ZNF423: variants seen among roughly 807,000 people sequenced by gnomAD.
ZNF423 encodes the protein zinc finger protein 423.
A neutral mutation model predicts 95.8 loss-of-function variants in ZNF423; 12 were observed. That is an observed-to-expected ratio of 0.13 (90% CI 0.08 to 0.20). The LOEUF (loss-of-function observed/expected upper bound fraction) is 0.20, where lower values mean the gene tolerates loss of function less well. Among genes scored for constraint, ZNF423 ranks in the 10% least tolerant of loss-of-function variants. ZNF423 has a pLI of 1.00. For synonymous variants in ZNF423, 749 were observed against 711.9 expected, an observed-to-expected ratio of 1.05 and a Z score of -0.83; for missense variants, 1,316 against 1,737.1, an observed-to-expected ratio of 0.76 and a Z score of 4.31.
chr16:49,806,633 T>C (rs928046811), intron 1 of ZNF423, among the ~76,000 whole-genome samples: 4 of 152,174 alleles, frequency 2.6e-5, no homozygotes, highest in Non-Finnish European at 4.4e-5. Flanking sequence ...ATGACGTGTG[T>C]GTGTGTGCTT....
chr16:49,528,645 A>T (rs965195704), intron 5 of ZNF423, among the ~76,000 whole-genome samples: 1 of 152,048 alleles, frequency 6.6e-6, no homozygotes, highest in East Asian at 1.9e-4. Context: ...TCAAGGCAAG[A>T]CCTTTTGATT....
chr16:49,709,459 G>A (rs1380180737), intron 3 of ZNF423, among the ~76,000 whole-genome samples: 6 of 152,062 alleles, frequency 3.9e-5, no homozygotes, highest in East Asian at 1.9e-4. Flanking sequence ...CGCCAGGTAC[G>A]ATGCCAGCCA....
At chr16:49,806,529 G>A (rs889106165) in intron 1 of ZNF423, among the ~76,000 whole-genome samples, 1 of 152,174 alleles carries the variant, frequency 6.6e-6, no homozygotes, top group African/African-American at 2.4e-5. Flanking sequence ...CTAACATACT[G>A]TAAATAAATG....
At chr16:49,845,555 T>C (rs971044142) in intron 1 of ZNF423, among the ~76,000 whole-genome samples, 6 of 151,932 alleles carry the variant, frequency 3.9e-5, no homozygotes, top group African/African-American at 1.2e-4. Flanking sequence ...GTTTGTTTTG[T>C]TTTGAGAAAG....
At chr16:49,517,966 C>T (rs956739492) in intron 7 of ZNF423, 4 of 453,392 alleles carry the variant, frequency 8.8e-6, no homozygotes, top group African/African-American at 2.0e-5. Flanking sequence ...AGCAGCACGT[C>T]GTTTTGGAAA....
In ZNF423 at chr16:49,687,424, G is replaced by A. The variant is rs1450994919; in HGVS notation, c.301+43347C>T. ...CAGGCAACCGCCTCTCCCCACACAC[G>A]GGTGCAAACCAAGCCCAGCCTCTGC... is the stretch of plus-strand genomic sequence containing the variant. On this transcript the variant is annotated intron_variant, in intron 3 of 7. Coordinates refer to ENST00000563137, the MANE Select transcript of ZNF423 (RefSeq NM_001379286.1). 4.6e-5 allele frequency among the ~76,000 whole-genome samples: 7 copies of A among 152,104 alleles called. No homozygotes were observed. The East Asian group carries it at 5.8e-4, about 13-fold the overall frequency.
intron 2 of ZNF423, among the ~76,000 whole-genome samples, chr16:49,779,076 A>G (rs973094172): frequency 1.3e-5 from 2 of 152,076 alleles, no homozygotes; most frequent in African/African-American, 4.8e-5. Flanking sequence ...TGCACTTCCC[A>G]GGACAAATAC....
At chr16:49,612,920 T>A (rs887375668) in intron 5 of ZNF423, among the ~76,000 whole-genome samples, 3 of 152,108 alleles carry the variant, frequency 2.0e-5, no homozygotes, top group Admixed American at 1.3e-4. Context: ...CAATACCATT[T>A]ATAATTGCTC....
At chr16:49,807,027 CAA>C (rs767699028) in intron 1 of ZNF423, among the ~76,000 whole-genome samples, 26 of 105,564 alleles carry the variant, frequency 2.5e-4, no homozygotes, top group East Asian at 2.8e-4. Context: ...ACTCTGACTC[CAA>C]AAAAAAAAAA....
intron 7 of ZNF423, among the ~76,000 whole-genome samples, chr16:49,493,025 G>A (rs79886832): frequency 0.026 from 3,891 of 152,230 alleles, 65 homozygotes; most frequent in Non-Finnish European, 0.037. Context: ...CACCTCGGTC[G>A]GGGGCGTCAG....
chr16:49,756,077 G>A (rs2033721625), intron 2 of ZNF423, among the ~76,000 whole-genome samples: 1 of 152,226 alleles, frequency 6.6e-6, no homozygotes, highest in Non-Finnish European at 1.5e-5. Flanking sequence ...GGGAGCCACT[G>A]GAGGTTTGTG....
chr16:49,858,330 G>A (rs8049871), upstream of ZNF423, among the ~76,000 whole-genome samples: 3,780 of 151,534 alleles, frequency 0.025, 143 homozygotes, highest in African/African-American at 0.087. This position sits in a 1 kb window ranked among gnomAD's most constrained non-coding sequence, Gnocchi z 4.3. Context: ...CTCTCTCCGC[G>A]GTCCCGCCGG....
At position 49,661,710 on chromosome 16, in the gene ZNF423, A is replaced by G. The variant is rs147703325; in HGVS notation, c.302-22836T>C. 2.7e-3 allele frequency among the ~76,000 whole-genome samples: 410 copies of G among 152,292 alleles called. 2 individuals carry two copies. The highest frequency in any genetic ancestry group is 9.5e-3 in the African/African-American group (396 of 41,576). On this transcript the variant is annotated intron_variant, in intron 3 of 7. Transcript: ENST00000563137. ...CTCTTCTGTGCCAGGCTCTGCTGCA[A>G]TTCCTGGGGCAGTGAGCACACCCAG...
intron 3 of ZNF423, among the ~76,000 whole-genome samples, chr16:49,674,870 C>A (rs2030979657): frequency 6.6e-6 from 1 of 152,152 alleles, no homozygotes; most frequent in African/African-American, 2.4e-5. Flanking sequence ...TGAGTCCCAG[C>A]CCTTCCCCTC....
intron 1 of ZNF423, among the ~76,000 whole-genome samples, chr16:49,804,597 T>C (rs1323307294): frequency 6.6e-6 from 1 of 152,114 alleles, no homozygotes; most frequent in Non-Finnish European, 1.5e-5. Flanking sequence ...CCTCCTCTCC[T>C]GGTCAGAAAC....
At chr16:49,780,717 G>A (rs2034198205) in intron 2 of ZNF423, 1 of 152,214 alleles carries the variant, frequency 6.6e-6, no homozygotes, top group African/African-American at 2.4e-5. Context: ...GTGAGCTCAG[G>A]GCCACCGCGT....
At position 49,613,903 on chromosome 16, in the gene ZNF423, G is replaced by T. The variant is rs555804177; in HGVS notation, c.3601+12267C>A. 5.3e-5 allele frequency among the ~76,000 whole-genome samples: 8 copies of T among 151,860 alleles called. No individual in the cohort carries two copies. The South Asian group carries it at 1.7e-3, about 32-fold the overall frequency. On this transcript the variant is annotated intron_variant, in intron 5 of 7. Transcript: ENST00000563137. ...AAAACTTTCAGGAAAAAAAAAATAG[G>T]AGAAAATCTTTGCACCAAAGGTATA...
At chr16:49,722,541 G>A (rs192341606) in intron 3 of ZNF423, among the ~76,000 whole-genome samples, 5 of 152,340 alleles carry the variant, frequency 3.3e-5, no homozygotes, top group Admixed American at 6.5e-5. Context: ...AACACTTATT[G>A]TATGAACGAA....
intron 3 of ZNF423, among the ~76,000 whole-genome samples, chr16:49,710,802 G>C (rs559820712): frequency 6.6e-6 from 1 of 152,230 alleles, no homozygotes; most frequent in East Asian, 1.9e-4. Context: ...TTTAATTCCC[G>C]AGGGGCTTGC....
Sources: gnomAD v4.1 joint callset for allele counts (sites outside exome capture counted in the v4.1 genomes callset) on GRCh38, gnomAD v4.1.1 for gene constraint, Gnocchi (gnomAD v3.1) non-coding constraint, MANE v1.5 for transcripts, NCBI Gene and HGNC (gene_info 2026-07-23, HGNC 2026-07-21) for gene names.